HCK: variants seen among roughly 807,000 people sequenced by gnomAD.
The protein encoded by HCK is tyrosine-protein kinase HCK.
HCK carries 40 observed loss-of-function variants against 70.4 expected under a neutral mutation model. That is an observed-to-expected ratio of 0.57 (90% CI 0.44 to 0.74). The LOEUF (loss-of-function observed/expected upper bound fraction) is 0.74. Ranked by LOEUF, HCK falls within the 30% of genes least tolerant of loss-of-function variation. HCK has a pLI of 0.00. For missense variants in HCK, 568 were observed against 697.2 expected (o/e 0.81, Z 2.09); for synonymous variants, 245 against 263.2 (o/e 0.93, Z 0.67).
intron 4 of HCK, among the ~76,000 whole-genome samples, chr20:32,074,313 C>T (rs1021531149): frequency 6.6e-6 from 1 of 152,298 alleles, no homozygotes; most frequent in East Asian, 1.9e-4. Context: ...TCTATAGGCA[C>T]AGGACCCTGC....
intron 6 of HCK, 21 bp from the exon 7 acceptor site, chr20:32,083,873 G>A: frequency 1.2e-6 from 2 of 1,613,992 alleles, no homozygotes; most frequent in Non-Finnish European, 1.7e-6. Context: ...ATTCTGAGGG[G>A]TTTCTCTTTG....
At chr20:32,068,519 A>G (rs2045493293) in intron 1 of HCK, among the ~76,000 whole-genome samples, 3 of 152,162 alleles carry the variant, frequency 2.0e-5, no homozygotes, top group Admixed American at 2.0e-4. Context: ...GACCATGAAC[A>G]TGGACATTTC....
intron 10 of HCK, among the ~76,000 whole-genome samples, chr20:32,091,544 T>C (rs1482457262): frequency 6.6e-6 from 1 of 152,160 alleles, no homozygotes; most frequent in Non-Finnish European, 1.5e-5. Flanking sequence ...TGTTAACTGT[T>C]CATCTAAGGA....
chr20:32,063,655 T>C (rs2045412755), intron 1 of HCK, among the ~76,000 whole-genome samples: 1 of 152,110 alleles, frequency 6.6e-6, no homozygotes, highest in Admixed American at 6.6e-5. Context: ...CATCTTACCT[T>C]CTCTTCTACC....
Position 32,084,050 on chromosome 20 carries a change from C to T in HCK, c.682+7C>T. ...CTGGTGGACCACTACAAGAGTGAGT[C>T]CCACCCCAGGGGTGACATCCCCACC... On this transcript the variant is annotated splice_region_variant and intron_variant, in intron 7 of 12. Coordinates refer to ENST00000375852, the MANE Select transcript of HCK (RefSeq NM_002110.5). The T allele has an allele frequency of 6.2e-7, 1 of 1,612,630 alleles. No individual in the cohort carries two copies. The highest frequency in any genetic ancestry group is 8.5e-7 in the Non-Finnish European group (1 of 1,179,648).
chr20:32,094,795 AAGAAAG>A (rs1388833820), intron 11 of HCK, among the ~76,000 whole-genome samples: 1 of 22,996 alleles, frequency 4.3e-5, no homozygotes, highest in East Asian at 1.4e-3. Flanking sequence ...AAGAGAAAGA[AAGAAAG>A]AAAGAAAGAA....
chr20:32,080,330 C>T (rs180964213), intron 6 of HCK, among the ~76,000 whole-genome samples: 1 of 152,254 alleles, frequency 6.6e-6, no homozygotes. Context: ...TTCCAAGTAG[C>T]TGGGATTACA....
chr20:32,088,878 A>G (rs1229156079), intron 10 of HCK, among the ~76,000 whole-genome samples: 3 of 152,066 alleles, frequency 2.0e-5, no homozygotes, highest in East Asian at 3.8e-4. Flanking sequence ...TTGGTATAAC[A>G]AACCATCCAA....
intron 1 of HCK, chr20:32,069,819 T>C (rs966663651): frequency 8.5e-7 from 1 of 1,183,066 alleles, no homozygotes; most frequent in Non-Finnish European, 1.1e-6. Context: ...CCTAGGAGTT[T>C]GGGGTTTTTT....
intron 11 of HCK, among the ~76,000 whole-genome samples, chr20:32,095,926 G>A (rs2045948954): frequency 6.6e-6 from 1 of 151,364 alleles, no homozygotes; most frequent in Non-Finnish European, 1.5e-5. Flanking sequence ...GTCTCGCTCT[G>A]CTGCCCAGGC....
At chr20:32,067,531 C>CTTTTTTTTTT (rs11482239) in intron 1 of HCK, among the ~76,000 whole-genome samples, 3 of 110,332 alleles carry the variant, frequency 2.7e-5, no homozygotes, top group African/African-American at 3.6e-5. Context: ...GATGCTTTTA[C>CTTTTTTTTTT]TTTTTTTTTT....
chr20:32,063,921 C>CT (rs1414847033), intron 1 of HCK, among the ~76,000 whole-genome samples: 1 of 149,128 alleles, frequency 6.7e-6, no homozygotes, highest in African/African-American at 2.5e-5. Flanking sequence ...TGCTGCAGGC[C>CT]TTTTTTTCCA....
At chr20:32,054,233 A>G in intron 1 of HCK, 1 of 456,504 alleles carries the variant, frequency 2.2e-6, no homozygotes, top group Non-Finnish European at 4.4e-6. Context: ...CGCTGTCATG[A>G]GTTACAGTCC....
intron 1 of HCK, among the ~76,000 whole-genome samples, chr20:32,071,078 T>G (rs1359421711): frequency 6.6e-6 from 1 of 152,234 alleles, no homozygotes; most frequent in Non-Finnish European, 1.5e-5. Flanking sequence ...CCATGTTATG[T>G]GACCTCATCT....
At chr20:32,065,682 C>T (rs1477085180) in intron 1 of HCK, among the ~76,000 whole-genome samples, 1 of 152,102 alleles carries the variant, frequency 6.6e-6, no homozygotes, top group Non-Finnish European at 1.5e-5. Flanking sequence ...GTGAGGAGGA[C>T]GTATATGCCT....
At chr20:32,094,092 G>A (rs1394491061) in intron 11 of HCK, 76 bp downstream of exon 11, 3 of 1,422,920 alleles carry the variant, frequency 2.1e-6, no homozygotes, top group South Asian at 2.5e-5. Context: ...ACTTGTGAGA[G>A]CGATTGGTAA....
intron 11 of HCK, 126 bp from the exon 12 acceptor site, chr20:32,098,878 A>G (rs761538701): frequency 2.9e-5 from 30 of 1,019,664 alleles, no homozygotes; most frequent in Non-Finnish European, 4.4e-5. Context: ...GCCACGTATC[A>G]GGGAAATTGC....
chr20:32,072,057 C>T, intron 2 of HCK: 1 of 443,552 alleles, frequency 2.3e-6, no homozygotes. Context: ...AGGCCTCCGG[C>T]CTGGGCAGAA....
intron 10 of HCK, among the ~76,000 whole-genome samples, chr20:32,091,103 G>C (rs1448195296): frequency 6.6e-6 from 1 of 152,200 alleles, no homozygotes; most frequent in Non-Finnish European, 1.5e-5. Flanking sequence ...CGCTCAAGCT[G>C]AGTTGGTCCA....
Sources: allele counts gnomAD v4.1 joint callset (sites outside exome capture counted in the v4.1 genomes callset), GRCh38; gene constraint gnomAD v4.1.1; transcripts MANE v1.5; gene names NCBI Gene and HGNC (gene_info 2026-07-23, HGNC 2026-07-21).